The following NEO1 variants were observed in gnomAD, a reference collection of about 807,000 sequenced individuals.
The protein encoded by NEO1 is neogenin.
In NEO1, 63 loss-of-function variants were observed where a neutral mutation model predicts 159.7. The ratio of observed to expected loss-of-function variants is 0.39; its 90% confidence interval spans 0.32 to 0.49. The LOEUF (loss-of-function observed/expected upper bound fraction) is 0.49. Among genes scored for constraint, NEO1 ranks in the 20% least tolerant of loss-of-function variants. The probability of loss-of-function intolerance (pLI) is 0.85; values close to 1 mark genes in which losing one functional copy is unlikely to be tolerated. For missense variants in NEO1, 1,615 were observed against 1,831.0 expected (o/e 0.88, Z 2.15); for synonymous variants, 633 against 662.0 (o/e 0.96, Z 0.67).
intron 2 of NEO1, among the ~76,000 whole-genome samples, chr15:73,120,317 G>C (rs1297523380): frequency 2.7e-5 from 4 of 150,632 alleles, no homozygotes; most frequent in African/African-American, 9.7e-5. Context: ...TCAAATCTGG[G>C]GAGCTCAAGG....
intron 7 of NEO1, among the ~76,000 whole-genome samples, chr15:73,186,790 A>G (rs2035956748): frequency 6.6e-6 from 1 of 152,180 alleles, no homozygotes; most frequent in African/African-American, 2.4e-5. Flanking sequence ...GTAACACGCA[A>G]CAAAATTTTC....
At chr15:73,113,837 A>G (rs2071140419) in intron 1 of NEO1, among the ~76,000 whole-genome samples, 1 of 152,032 alleles carries the variant, frequency 6.6e-6, no homozygotes, top group East Asian at 1.9e-4. Flanking sequence ...TGCATGTATT[A>G]TTTTTTCAAA....
chr15:73,078,179 G>T (rs1188961396), intron 1 of NEO1, among the ~76,000 whole-genome samples: 1 of 152,180 alleles, frequency 6.6e-6, no homozygotes, highest in Non-Finnish European at 1.5e-5. Context: ...GTTTACCCAA[G>T]TTGGTGTTTC....
chr15:73,269,997 A>G lies in NEO1; in HGVS notation c.2495-13A>G. 1.3e-6 allele frequency: 2 copies of G among 1,599,246 alleles called. No individual in the cohort carries two copies. The highest frequency in any genetic ancestry group is 2.2e-5 in the East Asian group (1 of 44,712). Reference sequence around the variant, plus strand: ...AAAATGCCACTTCCCTTTTTAAATTATTTTCTGCTCAGACACTTCTGAAGT... The same window carrying G: ...AAAATGCCACTTCCCTTTTTAAATTGTTTTCTGCTCAGACACTTCTGAAGT... On this transcript the variant is annotated splice_polypyrimidine_tract_variant and intron_variant, in intron 16 of 28. Coordinates refer to ENST00000261908, the MANE Select transcript of NEO1 (RefSeq NM_002499.4).
chr15:73,198,437 G>T (rs1432020452), intron 7 of NEO1, among the ~76,000 whole-genome samples: 1 of 151,654 alleles, frequency 6.6e-6, no homozygotes, highest in Non-Finnish European at 1.5e-5. Flanking sequence ...CTTATATACA[G>T]TTTCATCATC....
chr15:73,074,375 ATCTC>A (rs1400740889), intron 1 of NEO1, among the ~76,000 whole-genome samples: 2 of 152,306 alleles, frequency 1.3e-5, no homozygotes, highest in African/African-American at 4.8e-5. Flanking sequence ...CTCCTTTCTA[ATCTC>A]TCTGACTGTT....
chr15:73,189,369 G>A (rs1323141026), intron 7 of NEO1, among the ~76,000 whole-genome samples: 1 of 152,194 alleles, frequency 6.6e-6, no homozygotes, highest in South Asian at 2.1e-4. Flanking sequence ...CGTATTTTTT[G>A]TTGCGTTTGT....
chr15:73,285,852 C>T (rs1241028620), intron 23 of NEO1, among the ~76,000 whole-genome samples: 1 of 152,030 alleles, frequency 6.6e-6, no homozygotes. Context: ...TGGTAATCAT[C>T]GTTTCCTCCT....
At chr15:73,117,675 C>T (rs1354004484) in intron 2 of NEO1, among the ~76,000 whole-genome samples, 5 of 152,208 alleles carry the variant, frequency 3.3e-5, no homozygotes, top group African/African-American at 4.8e-5. Flanking sequence ...CTCATGCTCA[C>T]TCCAGAGTAT....
intron 5 of NEO1, among the ~76,000 whole-genome samples, chr15:73,147,541 A>G (rs2033005995): frequency 6.6e-6 from 1 of 152,078 alleles, no homozygotes; most frequent in Admixed American, 6.5e-5. Context: ...ACAACATGAC[A>G]AAATACTAGT....
chr15:73,165,093 AT>A (rs67749428), intron 5 of NEO1, among the ~76,000 whole-genome samples: 6,692 of 129,024 alleles, frequency 0.052, 203 homozygotes, highest in East Asian at 0.19. Flanking sequence ...TGCCTGGCCA[AT>A]TTTTTTTTTT....
At chr15:73,109,424 A>C (rs555740409) in intron 1 of NEO1, among the ~76,000 whole-genome samples, 1 of 152,320 alleles carries the variant, frequency 6.6e-6, no homozygotes, top group South Asian at 2.1e-4. Flanking sequence ...GGATTCAAAA[A>C]TATGTCTGCC....
At chr15:73,209,352 T>C (rs990615787) in intron 7 of NEO1, among the ~76,000 whole-genome samples, 31 of 152,214 alleles carry the variant, frequency 2.0e-4, no homozygotes, top group African/African-American at 7.2e-4. Flanking sequence ...TCTCACATTT[T>C]GTTAGTGTTT....
chr15:73,236,564 A>T (rs748067341), intron 8 of NEO1, 58 bp downstream of exon 8: 10 of 1,500,112 alleles, frequency 6.7e-6, no homozygotes, highest in Non-Finnish European at 8.3e-6. Flanking sequence ...CAGCCTTGTC[A>T]TGCTCACCCT....
chr15:73,185,663 A>G (rs972633026), intron 7 of NEO1, among the ~76,000 whole-genome samples: 25 of 152,204 alleles, frequency 1.6e-4, no homozygotes, highest in African/African-American at 5.8e-4. Context: ...TTATGCTAAC[A>G]CAAAATTTAC....
intron 1 of NEO1, among the ~76,000 whole-genome samples, chr15:73,067,402 TG>T (rs1435871197): frequency 6.6e-6 from 1 of 152,032 alleles, no homozygotes; most frequent in Admixed American, 6.6e-5. Context: ...GATGATATGA[TG>T]GTGTCTATAT....
intron 15 of NEO1, 127 bp downstream of exon 15, chr15:73,260,592 C>A: frequency 1.2e-6 from 1 of 819,620 alleles, no homozygotes; most frequent in Non-Finnish European, 1.8e-6. Flanking sequence ...ATGTTATTCA[C>A]CTGAATTCCC....
chr15:73,273,177 G>A (rs1462121622), intron 19 of NEO1, among the ~76,000 whole-genome samples: 2 of 152,054 alleles, frequency 1.3e-5, no homozygotes, highest in African/African-American at 4.8e-5. Context: ...GCCTTATCAG[G>A]GATGGAAGCC....
rs970163819 is a variant in NEO1 at position 73,206,551 on chromosome 15, C to T, written c.1291+28124C>T. Among the ~76,000 whole-genome samples the T allele has an allele frequency of 3.9e-5, 6 of 152,198 alleles. No homozygotes were observed. In the East Asian group the frequency reaches 1.2e-3, roughly 29 times the overall value. On this transcript the variant is annotated intron_variant, in intron 7 of 28. Coordinates refer to ENST00000261908, the MANE Select transcript of NEO1 (RefSeq NM_002499.4). ...TGTGGCTCAATAGGAGCAGAAGCAGCAGTATTTCTGGCTCAGACTATCCAA... is the reference window on the plus strand; with the variant it reads ...TGTGGCTCAATAGGAGCAGAAGCAGTAGTATTTCTGGCTCAGACTATCCAA...
Sources: allele counts gnomAD v4.1 joint callset (sites outside exome capture counted in the v4.1 genomes callset), GRCh38; gene constraint gnomAD v4.1.1; transcripts MANE v1.5; gene names NCBI Gene and HGNC (gene_info 2026-07-23, HGNC 2026-07-21).